KIRREL1: variants seen among roughly 807,000 people sequenced by gnomAD.
KIRREL1 encodes the protein kin of IRRE-like protein 1.
Under a neutral mutation model 83.3 loss-of-function variants are expected in KIRREL1, and 25 were observed. That is an observed-to-expected ratio of 0.30 (90% CI 0.22 to 0.42). KIRREL1 has a LOEUF of 0.42. KIRREL1 is among the 10% of genes least tolerant of loss of function. KIRREL1 has a pLI of 1.00. For synonymous variants in KIRREL1, 388 were observed against 410.4 expected (o/e 0.95, Z 0.66); for missense variants, 812 against 1,032.3 (o/e 0.79, Z 2.92).
At position 158,052,776 on chromosome 1, in the gene KIRREL1, A is replaced by T. The variant is rs1397104567; in HGVS notation, c.53-23337A>T. Reference sequence around the variant, plus strand: ...ACTCCAGCCTGGGCGACAGAGCAAGATTCCATTTCAAAAAAAAAGAGAGAG... The same window carrying T: ...ACTCCAGCCTGGGCGACAGAGCAAGTTTCCATTTCAAAAAAAAAGAGAGAG... On this transcript the variant is annotated intron_variant, in intron 1 of 14. Coordinates refer to ENST00000359209, the MANE Select transcript of KIRREL1 (RefSeq NM_018240.7). Among the ~76,000 whole-genome samples, 3 of 152,160 alleles carry T rather than the reference A, an allele frequency of 2.0e-5. No homozygotes were observed. In the East Asian group the frequency reaches 5.8e-4, roughly 29 times the overall value.
chr1:158,058,862 C>A (rs1661136121), intron 1 of KIRREL1, among the ~76,000 whole-genome samples: 1 of 152,142 alleles, frequency 6.6e-6, no homozygotes, highest in Non-Finnish European at 1.5e-5. Flanking sequence ...TCCTGATAAT[C>A]AGATTTGGCT....
intron 1 of KIRREL1, among the ~76,000 whole-genome samples, chr1:158,069,302 T>TTG (rs57076623): frequency 0.14 from 19,556 of 143,116 alleles, 1,372 homozygotes; most frequent in Non-Finnish European, 0.15. Context: ...TATGACGTAC[T>TTG]TGTGTGTGTG....
intron 1 of KIRREL1, among the ~76,000 whole-genome samples, chr1:157,997,768 C>A (rs570684478): frequency 1.3e-5 from 2 of 152,302 alleles, no homozygotes; most frequent in South Asian, 2.1e-4. Flanking sequence ...TAATATGGAT[C>A]ATTTATTGAG....
intron 1 of KIRREL1, among the ~76,000 whole-genome samples, chr1:158,047,744 CGGTTCATGAGTCCCT>C (rs1558002395): frequency 6.6e-6 from 1 of 152,074 alleles, no homozygotes; most frequent in Non-Finnish European, 1.5e-5. Context: ...GGCCAGAACC[CGGTTCATGAGTCCCT>C]GGTCCAATGA....
chr1:158,017,030 T>G (rs1659843679), intron 1 of KIRREL1, among the ~76,000 whole-genome samples: 1 of 152,202 alleles, frequency 6.6e-6, no homozygotes, highest in Non-Finnish European at 1.5e-5. Context: ...GACATCTCTG[T>G]TTTGTTCAAC....
chr1:158,017,708 TAAAAA>T (rs1278613953), intron 1 of KIRREL1, among the ~76,000 whole-genome samples: 1 of 151,448 alleles, frequency 6.6e-6, no homozygotes, highest in African/African-American at 2.4e-5. Context: ...ACAAAAATAA[TAAAAA>T]ATAAATTTCT....
intron 1 of KIRREL1, among the ~76,000 whole-genome samples, chr1:158,001,235 T>C (rs566169992): frequency 6.6e-6 from 1 of 152,360 alleles, no homozygotes; most frequent in African/African-American, 2.4e-5. Context: ...AATTGTGTGC[T>C]TACTGTGTGC....
chr1:158,096,554 G>A lies in KIRREL1; in HGVS notation c.*1434G>A, dbSNP rs1410780690. 1 of 456,916 alleles carries A rather than the reference G, an allele frequency of 2.2e-6. No homozygotes were observed. The highest frequency in any genetic ancestry group is 6.9e-5 in the East Asian group (1 of 14,394). The allele number at this position is 456,916 out of a possible 1,614,324, so 28.3% of individuals were successfully genotyped here. The stretch of plus-strand genomic sequence containing the variant: ...GGTGAGGGGACCTGGAGAGGTAAGG[G>A]GCCTGGAAATGGCCCTGACAGAGAA... On this transcript the variant is annotated 3_prime_UTR_variant, in exon 15 of 15. Coordinates refer to ENST00000359209, the MANE Select transcript of KIRREL1 (RefSeq NM_018240.7).
intron 1 of KIRREL1, among the ~76,000 whole-genome samples, chr1:158,036,514 A>C (rs1660479976): frequency 6.6e-6 from 1 of 152,210 alleles, no homozygotes; most frequent in African/African-American, 2.4e-5. Flanking sequence ...AATGAGAGCA[A>C]TTCGAGAGGG....
At chr1:158,092,129 T>G (rs1318054324) in intron 11 of KIRREL1, among the ~76,000 whole-genome samples, 2 of 152,220 alleles carry the variant, frequency 1.3e-5, no homozygotes, top group Non-Finnish European at 2.9e-5. Flanking sequence ...CCCCTACCTC[T>G]TCAAGAATTG....
At chr1:158,017,693 A>G (rs1418152172) in intron 1 of KIRREL1, among the ~76,000 whole-genome samples, 2 of 152,104 alleles carry the variant, frequency 1.3e-5, no homozygotes, top group Non-Finnish European at 2.9e-5. Flanking sequence ...CTCTGTCTCA[A>G]AAAAACAAAA....
At chr1:158,073,915 G>T (rs11264897) in intron 1 of KIRREL1, among the ~76,000 whole-genome samples, 1 of 152,062 alleles carries the variant, frequency 6.6e-6, no homozygotes, top group Non-Finnish European at 1.5e-5. Context: ...AAAGCCATGC[G>T]TATAAATTCC....
In KIRREL1 at chr1:158,064,740, T is replaced by C. The variant is rs542692347; in HGVS notation, c.53-11373T>C. 5.3e-5 allele frequency among the ~76,000 whole-genome samples: 8 copies of C among 152,224 alleles called. No individual in the cohort carries two copies. In the East Asian group the frequency reaches 1.5e-3, roughly 29 times the overall value. ...TGGGGACACACCTGTGTTATGGGCA[T>C]GTCTAGTGTCTGCCAAGCCAGCCTT... On this transcript the variant is annotated intron_variant, in intron 1 of 14. Transcript: ENST00000359209.
At chr1:158,051,157 G>C (rs567632680) in intron 1 of KIRREL1, among the ~76,000 whole-genome samples, 2 of 152,174 alleles carry the variant, frequency 1.3e-5, no homozygotes, top group Non-Finnish European at 2.9e-5. Context: ...GAAGCACATG[G>C]GCAGCCCAGT....
intron 6 of KIRREL1, 55 bp downstream of exon 6, chr1:158,087,915 G>A (rs995650786): frequency 1.9e-6 from 3 of 1,607,148 alleles, no homozygotes; most frequent in African/African-American, 1.3e-5. Flanking sequence ...AGAGTTCGGG[G>A]TTAGAGGCTG....
chr1:158,062,151 A>G (rs938466228), intron 1 of KIRREL1, among the ~76,000 whole-genome samples: 3 of 152,068 alleles, frequency 2.0e-5, no homozygotes, highest in Non-Finnish European at 2.9e-5. Context: ...TGGTAAGATG[A>G]GTGGTTTTGG....
intron 1 of KIRREL1, among the ~76,000 whole-genome samples, chr1:158,000,406 T>A (rs1024972190): frequency 1.3e-5 from 2 of 152,186 alleles, no homozygotes; most frequent in Non-Finnish European, 2.9e-5. Flanking sequence ...ATGCCCTGCA[T>A]CCTCTCTGAT....
chr1:157,997,184 G>A (rs1300050342), intron 1 of KIRREL1, among the ~76,000 whole-genome samples: 1 of 152,136 alleles, frequency 6.6e-6, no homozygotes, highest in Admixed American at 6.5e-5. Context: ...TCACAGACTC[G>A]CATCCAGCTC....
chr1:158,076,454 A>C (rs1291627400), intron 2 of KIRREL1, among the ~76,000 whole-genome samples, 192 bp downstream of exon 2: 1 of 151,986 alleles, frequency 6.6e-6, no homozygotes, highest in East Asian at 1.9e-4. Context: ...CTTTCCTCCC[A>C]CTGAGGACTG....
Sources: gnomAD v4.1 joint callset for allele counts (sites outside exome capture counted in the v4.1 genomes callset) on GRCh38, gnomAD v4.1.1 for gene constraint, MANE v1.5 for transcripts, NCBI Gene and HGNC (gene_info 2026-07-23, HGNC 2026-07-21) for gene names.